ACVR2A: variants seen among roughly 807,000 people sequenced by gnomAD.
ACVR2A encodes activin A receptor type 2A.
Under a neutral mutation model 61.4 loss-of-function variants are expected in ACVR2A, and 7 were observed. The ratio of observed to expected loss-of-function variants is 0.11; its 90% CI spans 0.06 to 0.21. The LOEUF (loss-of-function observed/expected upper bound fraction) is 0.21, where lower values mean the gene tolerates loss of function less well. ACVR2A is among the 10% of genes least tolerant of loss of function. ACVR2A has a pLI of 1.00. For missense variants in ACVR2A, 322 were observed against 621.7 expected, an observed-to-expected ratio of 0.52 and a Z score of 5.13; for synonymous variants, 193 against 208.3, an observed-to-expected ratio of 0.93 and a Z score of 0.63.
Position 147,926,113 on chromosome 2 carries a change from G to A in ACVR2A, c.1299G>A (p.Val433=). The A allele has an allele frequency of 6.2e-7, 1 of 1,611,662 alleles. No individual in the cohort carries two copies. The highest frequency in any genetic ancestry group is 8.5e-7 in the Non-Finnish European group (1 of 1,178,534). ...PSLEDMQEVV[V]HKKKRPVLRD... ...TTGAAGACATGCAGGAAGTTGTTGT[G>A]CATAAAAAAAAGAGGCCTGTTTTAA... Residue 433 remains valine (V), a synonymous_variant, in exon 10 of 11, where the codon GTG becomes GTA. Coordinates refer to ENST00000241416, the MANE Select transcript of ACVR2A (RefSeq NM_001616.5).
At chr2:147,861,009 C>T (rs764371415) in intron 1 of ACVR2A, among the ~76,000 whole-genome samples, 5 of 152,136 alleles carry the variant, frequency 3.3e-5, no homozygotes, top group Non-Finnish European at 7.4e-5. Flanking sequence ...AAGCCAGATG[C>T]CTGGTCCTCG....
At chr2:147,911,447 T>A (rs772532960) in intron 4 of ACVR2A, among the ~76,000 whole-genome samples, 3 of 152,134 alleles carry the variant, frequency 2.0e-5, no homozygotes, top group Non-Finnish European at 4.4e-5. Flanking sequence ...CATTATTCTC[T>A]TTCCTTCACT....
intron 1 of ACVR2A, among the ~76,000 whole-genome samples, chr2:147,880,995 A>G (rs893533797): frequency 1.3e-5 from 2 of 152,148 alleles, no homozygotes; most frequent in Admixed American, 6.6e-5. Flanking sequence ...CCCTTTTATA[A>G]TGTTATGAGA....
chr2:147,903,007 T>A (rs1177675128), intron 4 of ACVR2A: 1 of 151,982 alleles, frequency 6.6e-6, no homozygotes, highest in Non-Finnish European at 1.5e-5. Flanking sequence ...AACTGGTCTG[T>A]TGTAAGACAT....
chr2:147,845,327 C>T, intron 1 of ACVR2A, 120 bp downstream of exon 1: 1 of 690,100 alleles, frequency 1.4e-6, no homozygotes, highest in South Asian at 2.2e-5. Flanking sequence ...TGCCCACTCC[C>T]TGCGCCCCTC....
Position 147,917,342 on chromosome 2 carries a change from G to T in ACVR2A, c.732G>T (p.Glu244Asp). 4 of 1,612,364 alleles carry T rather than the reference G, an allele frequency of 2.5e-6. No individual in the cohort carries two copies. The highest frequency in any genetic ancestry group is 3.4e-6 in the Non-Finnish European group (4 of 1,178,918). Residue 244 changes from glutamate to aspartate, a missense_variant, in exon 6 of 11, where the codon GAG becomes GAT. By Grantham distance (45) the Glu-to-Asp change is conservative. This residue lies in a region of ACVR2A where 146 missense variants were observed against 383.8 expected (regional missense o/e 0.38). Coordinates refer to ENST00000241416, the MANE Select transcript of ACVR2A (RefSeq NM_001616.5). Reference sequence around the variant, plus strand: ...ACAGTTTGCCTGGAATGAAGCATGAGAACATATTACAGTTCATTGGTGCAG... The same window carrying T: ...ACAGTTTGCCTGGAATGAAGCATGATAACATATTACAGTTCATTGGTGCAG... ...EVYSLPGMKHENILQFIGAEK... is the reference protein window; with the variant it reads ...EVYSLPGMKHDNILQFIGAEK...
intron 1 of ACVR2A, among the ~76,000 whole-genome samples, chr2:147,852,596 G>A (rs1235823083): frequency 6.6e-6 from 1 of 152,090 alleles, no homozygotes; most frequent in Non-Finnish European, 1.5e-5. Context: ...GGGAGAACAT[G>A]GCTCTTCCCT....
chr2:147,906,233 G>A lies in ACVR2A; in HGVS notation c.528+6335G>A, dbSNP rs1001782481. Among the ~76,000 whole-genome samples, 4 of 151,746 alleles carry A rather than the reference G, an allele frequency of 2.6e-5. No individual in the cohort carries two copies. The South Asian group carries it at 8.3e-4, about 32-fold the overall frequency. On this transcript the variant is annotated intron_variant, in intron 4 of 10. Coordinates refer to ENST00000241416, the MANE Select transcript of ACVR2A (RefSeq NM_001616.5). Reference sequence around the variant, plus strand: ...AGAAATGAAAAACGTCCCATTGTTAGCTAAAGCTGCTTGTAGCACATGAGC... The same window carrying A: ...AGAAATGAAAAACGTCCCATTGTTAACTAAAGCTGCTTGTAGCACATGAGC...
intron 1 of ACVR2A, among the ~76,000 whole-genome samples, chr2:147,848,832 ACT>A (rs959003196): frequency 1.3e-5 from 2 of 151,860 alleles, no homozygotes; most frequent in African/African-American, 4.8e-5. Context: ...AAAAGGAAAA[ACT>A]CAGTTCTAAA....
intron 1 of ACVR2A, among the ~76,000 whole-genome samples, chr2:147,885,208 T>G (rs1407267396): frequency 6.6e-6 from 1 of 152,146 alleles, no homozygotes; most frequent in Non-Finnish European, 1.5e-5. Context: ...TAAGCAAAGT[T>G]TTCTCTAAAA....
At chr2:147,881,083 T>C (rs1686287140) in intron 1 of ACVR2A, among the ~76,000 whole-genome samples, 2 of 152,194 alleles carry the variant, frequency 1.3e-5, no homozygotes, top group Non-Finnish European at 2.9e-5. Flanking sequence ...TTTTTAATTA[T>C]TAAAAAGGCA....
chr2:147,874,869 T>C (rs1686115940), intron 1 of ACVR2A, among the ~76,000 whole-genome samples: 1 of 151,956 alleles, frequency 6.6e-6, no homozygotes, highest in Admixed American at 6.6e-5. Flanking sequence ...TTAAAAGATA[T>C]TTGAAGTTTA....
chr2:147,885,214 TA>T (rs897135867), intron 1 of ACVR2A, among the ~76,000 whole-genome samples: 5 of 151,724 alleles, frequency 3.3e-5, no homozygotes, highest in East Asian at 3.9e-4. Flanking sequence ...AAGTTTTCTC[TA>T]AAAAAAAATT....
chr2:147,912,150 C>T (rs1343584351), intron 4 of ACVR2A, among the ~76,000 whole-genome samples: 1 of 151,922 alleles, frequency 6.6e-6, no homozygotes, highest in Non-Finnish European at 1.5e-5. Flanking sequence ...TAGCTTCCCA[C>T]CTCTAATAAT....
chr2:147,881,580 TTCTCC>T (rs1686298436), intron 1 of ACVR2A, among the ~76,000 whole-genome samples: 1 of 150,426 alleles, frequency 6.6e-6, no homozygotes, highest in Non-Finnish European at 1.5e-5. Context: ...ATCTTTTTTT[TTCTCC>T]TCTCAAGAAG....
At chr2:147,857,895 TG>T (rs1271627317) in intron 1 of ACVR2A, among the ~76,000 whole-genome samples, 1 of 152,156 alleles carries the variant, frequency 6.6e-6, no homozygotes, top group Non-Finnish European at 1.5e-5. Context: ...ACTTGTGTCA[TG>T]GGGGTTTGTT....
Position 147,899,660 on chromosome 2 carries a change from C to T in ACVR2A, c.374-84C>T, listed in dbSNP as rs1484055824. 3.7e-5 allele frequency: 58 copies of T among 1,586,186 alleles called. No individual in the cohort carries two copies. The South Asian group carries it at 6.5e-4, about 18-fold the overall frequency. ...ATGGAATAATTTGCCCCTACCTCTT[C>T]CCCAAAATTTGAGACTATGACAGAT... On this transcript the variant is annotated intron_variant, in intron 3 of 10. Transcript: ENST00000241416.
At chr2:147,866,404 G>T (rs111330727) in intron 1 of ACVR2A, among the ~76,000 whole-genome samples, 1 of 152,176 alleles carries the variant, frequency 6.6e-6, no homozygotes, top group African/African-American at 2.4e-5. Flanking sequence ...GGGGCCTGAG[G>T]TTCCGCATTT....
intron 1 of ACVR2A, among the ~76,000 whole-genome samples, chr2:147,853,568 C>T (rs1018621647): frequency 3.9e-5 from 6 of 152,042 alleles, no homozygotes; most frequent in African/African-American, 1.4e-4. Context: ...GCTGTAGTCA[C>T]ACTGGGAATT....
Sources: allele counts gnomAD v4.1 joint callset (sites outside exome capture counted in the v4.1 genomes callset), GRCh38; gene constraint gnomAD v4.1.1; regional missense constraint gnomAD v4.1.1; transcripts MANE v1.5; gene names NCBI Gene and HGNC (gene_info 2026-07-23, HGNC 2026-07-21).